RPS6KA3: variants seen among roughly 807,000 people sequenced by gnomAD.
The protein encoded by RPS6KA3 is ribosomal protein S6 kinase A3.
In RPS6KA3, 4 loss-of-function variants were observed where a neutral mutation model predicts 67.2. The ratio of observed to expected loss-of-function variants is 0.06; its 90% confidence interval spans 0.03 to 0.14. The LOEUF (loss-of-function observed/expected upper bound fraction) is 0.14, where lower values mean the gene tolerates loss of function less well. Ranked by LOEUF, RPS6KA3 falls within the 10% of genes least tolerant of loss-of-function variation. RPS6KA3 has a pLI of 1.00. For missense variants in RPS6KA3, 204 were observed against 559.0 expected (o/e 0.36, Z 6.40); for synonymous variants, 182 against 183.7 (o/e 0.99, Z 0.07).
intron 10 of RPS6KA3, among the ~76,000 whole-genome samples, chrX:20,181,449 C>G (rs905107489): frequency 9.0e-5 from 10 of 110,718 alleles, no homozygotes; most frequent in African/African-American, 2.9e-4. Context: ...TCTAATATGG[C>G]TCCTGCTTTC....
intron 8 of RPS6KA3, among the ~76,000 whole-genome samples, chrX:20,188,198 C>A (rs2068034234): frequency 9.0e-6 from 1 of 111,183 alleles, no homozygotes; most frequent in Non-Finnish European, 1.9e-5. Context: ...CTCAGCCTCC[C>A]AAGTAACTGG....
chrX:20,246,301 G>A (rs182725732), intron 1 of RPS6KA3, among the ~76,000 whole-genome samples: 3 of 110,014 alleles, frequency 2.7e-5, no homozygotes, highest in Admixed American at 9.7e-5. Context: ...TATGCTGGAG[G>A]TTGTGGTACA....
At chrX:20,212,748 A>G (rs1415453954) in intron 2 of RPS6KA3, among the ~76,000 whole-genome samples, 1 of 110,880 alleles carries the variant, frequency 9.0e-6, no homozygotes, top group Admixed American at 9.6e-5. Context: ...CAAAAGAAAA[A>G]AAAAAGTAGT....
At chrX:20,193,446 T>A in intron 7 of RPS6KA3, 41 bp downstream of exon 7, 1 of 791,163 alleles carries the variant, frequency 1.3e-6, no homozygotes, top group Non-Finnish European at 1.9e-6. Context: ...TCCTAAACAA[T>A]CATATTACAT....
chrX:20,201,525 T>C (rs2068432903), intron 4 of RPS6KA3, among the ~76,000 whole-genome samples: 1 of 111,846 alleles, frequency 8.9e-6, no homozygotes, highest in Admixed American at 9.5e-5. Context: ...GTAAACTTTA[T>C]TCAAAATCCT....
intron 18 of RPS6KA3, among the ~76,000 whole-genome samples, chrX:20,163,405 C>A (rs2067352656): frequency 9.0e-6 from 1 of 110,765 alleles, no homozygotes; most frequent in South Asian, 3.8e-4. Context: ...CACACAGAAC[C>A]TAGCACAAAA....
intron 14 of RPS6KA3, among the ~76,000 whole-genome samples, chrX:20,173,268 G>T (rs952585362): frequency 1.8e-5 from 2 of 112,025 alleles, no homozygotes; most frequent in Non-Finnish European, 3.8e-5. Context: ...GGAGGATTCA[G>T]AATTAGAATA....
chrX:20,208,248 G>A (rs182218765), intron 3 of RPS6KA3, among the ~76,000 whole-genome samples: 2 of 110,528 alleles, frequency 1.8e-5, no homozygotes, highest in African/African-American at 6.6e-5. Flanking sequence ...GACAGGAGGT[G>A]GTGCTCAAAC....
At chrX:20,203,382 C>T (rs1194499751) in intron 4 of RPS6KA3, 2 of 109,385 alleles carry the variant, frequency 1.8e-5, no homozygotes, top group Non-Finnish European at 3.8e-5. Context: ...CTTGCCTCAG[C>T]CTCTGAGTAG....
chrX:20,203,699 A>G lies in RPS6KA3; in HGVS notation c.325+323T>C, dbSNP rs190302378. 1.8e-3 allele frequency: 322 copies of G among 181,930 alleles called. 3 individuals carry two copies. The highest frequency in any genetic ancestry group is 9.2e-3 in the African/African-American group (305 of 33,280). 15.0% of individuals were successfully genotyped at this position (181,930 alleles called of 1,213,427 possible). A position where few individuals can be genotyped will look rare whatever the true frequency, so the allele number is the denominator to read the frequency against. The stretch of plus-strand genomic sequence containing the variant: ...ATAAAAGCTATTTTGCAGCCAGTAA[A>G]TCAGTACGTTTTTAAAAACATTAAA... On this transcript the variant is annotated intron_variant, in intron 4 of 21. Coordinates refer to ENST00000379565, the MANE Select transcript of RPS6KA3 (RefSeq NM_004586.3).
chrX:20,234,787 T>C lies in RPS6KA3; in HGVS notation c.97A>G (p.Met33Val), dbSNP rs1487389355. Residue 33 changes from methionine to valine, a missense_variant, in exon 2 of 22, where the codon ATG becomes GTG. This residue lies in a region of RPS6KA3 where 31 missense variants were observed against 42.5 expected (regional missense o/e 0.73). Transcript: ENST00000379565. Reference protein sequence around the residue: ...ENGQQIMDEPMGEEEINPQTE... With the variant: ...ENGQQIMDEPVGEEEINPQTE... ...TGTGGGTTAATCTCCTCCTCTCCCA[T>C]AGGTTCATCCATAATTTGCTGTCCA... 1 of 1,201,303 alleles carries C rather than the reference T, an allele frequency of 8.3e-7. No homozygotes were observed. Among genetic ancestry groups the C allele is most frequent in the African/African-American group, 1.8e-5 (1 of 56,586 alleles).
Position 20,176,303 on chromosome X carries a change from C to A in RPS6KA3, c.1049G>T (p.Arg350Met). ...ATCAAAATAGAATGTATCTTCAGGC[C>A]TGCCCGTTGCAGGTTTAAATGGCGG... is the stretch of plus-strand genomic sequence containing the variant. The part of the protein sequence containing the change: ...IHPPFKPATG[R>M]PEDTFYFDPE... The change falls in exon 13 of 22, where the codon AGG (arginine) becomes ATG (methionine). Residue 350 changes from arginine to methionine, a missense_variant. Transcript: ENST00000379565. 8.3e-7 allele frequency: 1 copy of A among 1,203,668 alleles called. No homozygotes were observed. The highest frequency in any genetic ancestry group is 1.1e-6 in the Non-Finnish European group (1 of 888,569).
intron 1 of RPS6KA3, among the ~76,000 whole-genome samples, chrX:20,250,732 T>C (rs2069841151): frequency 1.8e-5 from 2 of 112,229 alleles, no homozygotes; most frequent in African/African-American, 6.5e-5. Context: ...CACTTGGTCA[T>C]GGCATGCAAT....
At chrX:20,167,465 A>G in intron 17 of RPS6KA3, 124 bp downstream of exon 17, 1 of 630,032 alleles carries the variant, frequency 1.6e-6, no homozygotes, top group East Asian at 3.2e-5. Flanking sequence ...GAAGGTCAGT[A>G]GGATAATTCA....
chrX:20,262,621 C>T (rs900975410), intron 1 of RPS6KA3, among the ~76,000 whole-genome samples: 3 of 111,656 alleles, frequency 2.7e-5, no homozygotes, highest in Non-Finnish European at 3.8e-5. Context: ...CATCCTCTAT[C>T]ATAATCACTG....
At chrX:20,180,062 C>A (rs1477951118) in intron 10 of RPS6KA3, among the ~76,000 whole-genome samples, 1 of 109,761 alleles carries the variant, frequency 9.1e-6, no homozygotes. Context: ...GCATTCGAGT[C>A]TGGGCAACAG....
intron 4 of RPS6KA3, among the ~76,000 whole-genome samples, chrX:20,197,061 A>T (rs1347233496): frequency 8.9e-6 from 1 of 111,985 alleles, no homozygotes; most frequent in Non-Finnish European, 1.9e-5. Flanking sequence ...GCTGGTCTCT[A>T]ACTCCTGACC....
At chrX:20,188,567 CTAAA>C (rs1227994855) in intron 7 of RPS6KA3, 33 bp from the exon 8 acceptor site, 3 of 760,582 alleles carry the variant, frequency 3.9e-6, no homozygotes, top group East Asian at 6.5e-5. Flanking sequence ...TTTAAGAACA[CTAAA>C]TAGAGATTTA....
intron 1 of RPS6KA3, among the ~76,000 whole-genome samples, chrX:20,256,166 C>T (rs1373013928): frequency 1.7e-5 from 1 of 59,479 alleles, no homozygotes; most frequent in African/African-American, 8.4e-5. Flanking sequence ...GAGTGAGACA[C>T]CGTCTCAAAA....
Sources: allele counts gnomAD v4.1 joint callset (sites outside exome capture counted in the v4.1 genomes callset), GRCh38; gene constraint gnomAD v4.1.1; regional missense constraint gnomAD v4.1.1; transcripts MANE v1.5; gene names NCBI Gene and HGNC (gene_info 2026-07-23, HGNC 2026-07-21).